The following MAGI3 variants were observed in gnomAD, a reference collection of about 807,000 sequenced individuals.
The protein encoded by MAGI3 is membrane associated guanylate kinase, WW and PDZ domain containing 3.
Under a neutral mutation model 121.8 loss-of-function variants are expected in MAGI3, and 43 were observed. The observed-to-expected ratio is 0.35, with a 90% CI of 0.28 to 0.46. The LOEUF (loss-of-function observed/expected upper bound fraction) is 0.46, where lower values mean the gene tolerates loss of function less well. Among genes scored for constraint, MAGI3 ranks in the 20% least tolerant of loss-of-function variants. MAGI3 has a pLI of 1.00. For synonymous variants in MAGI3, 553 were observed against 639.3 expected (o/e 0.86, Z 2.04); for missense variants, 1,547 against 1,797.3 (o/e 0.86, Z 2.52).
intron 1 of MAGI3, among the ~76,000 whole-genome samples, chr1:113,461,110 A>G (rs1243824200): frequency 6.6e-6 from 1 of 152,268 alleles, no homozygotes; most frequent in Non-Finnish European, 1.5e-5. Context: ...AAAGCATTCC[A>G]TGCTCATGGA....
At chr1:113,462,450 A>G (rs1406371440) in intron 1 of MAGI3, among the ~76,000 whole-genome samples, 2 of 152,192 alleles carry the variant, frequency 1.3e-5, no homozygotes, top group African/African-American at 4.8e-5. Context: ...TAACAAACTA[A>G]TGCAGGAACA....
chr1:113,527,216 A>G (rs1428610944), intron 1 of MAGI3, among the ~76,000 whole-genome samples: 2 of 151,982 alleles, frequency 1.3e-5, no homozygotes, highest in Admixed American at 1.3e-4. Context: ...AGTTGAGGTG[A>G]ATTGTGGCAG....
intron 1 of MAGI3, among the ~76,000 whole-genome samples, chr1:113,546,768 T>G (rs1659553034): frequency 6.6e-6 from 1 of 151,898 alleles, no homozygotes; most frequent in Admixed American, 6.6e-5. Context: ...CTCTGAGTCT[T>G]AAGATCTTGT....
intron 19 of MAGI3, among the ~76,000 whole-genome samples, chr1:113,680,582 C>T (rs1046285010): frequency 5.3e-5 from 8 of 151,986 alleles, no homozygotes. Flanking sequence ...ACGGTGAAAC[C>T]CCATCTCTAC....
rs1381888057 is a variant in MAGI3, at chr1:113,391,677, GTGT to G, written c.316+332_316+334del. On this transcript the variant is annotated intron_variant, in intron 1 of 20. Coordinates refer to ENST00000307546, the MANE Select transcript of MAGI3 (RefSeq NM_001142782.2). The surrounding 1 kb of genome is among the most constrained non-coding windows in gnomAD (Gnocchi z 4.4). ...GACTAGAGAAGGCCAGCCTTTTCCT[GTGT>G]TGTGCAAAAAGGCCCTTAGGATTGT... Among the ~76,000 whole-genome samples, 2 of 152,144 alleles carry G rather than the reference GTGT, an allele frequency of 1.3e-5. No individual in the cohort carries two copies. Among genetic ancestry groups the G allele is most frequent in the Non-Finnish European group, 2.9e-5 (2 of 68,030 alleles).
At position 113,574,985 on chromosome 1, in the gene MAGI3, TG is replaced by T. The variant is rs1647531587; in HGVS notation, c.434-5556del. On this transcript the variant is annotated intron_variant, in intron 2 of 20. Transcript: ENST00000307546. ...TCTTCCACTTGATTGATTTGCTTATTGATACTTGTATATACTTCATGAAGTT... is the reference window on the plus strand; with the variant it reads ...TCTTCCACTTGATTGATTTGCTTATTATACTTGTATATACTTCATGAAGTT... Among the ~76,000 whole-genome samples the T allele has an allele frequency of 2.0e-5, 3 of 152,322 alleles. No individual in the cohort carries two copies. The South Asian group carries it at 6.2e-4, about 32-fold the overall frequency.
intron 1 of MAGI3, among the ~76,000 whole-genome samples, chr1:113,442,919 A>G (rs1247475518): frequency 6.6e-6 from 1 of 152,134 alleles, no homozygotes; most frequent in Admixed American, 6.6e-5. Context: ...CTCAAAATTT[A>G]TAATTTGCCC....
chr1:113,682,567 G>A lies in MAGI3; in HGVS notation c.3329-330G>A, dbSNP rs867826693. On this transcript the variant is annotated intron_variant, in intron 20 of 20. Coordinates refer to ENST00000307546, the MANE Select transcript of MAGI3 (RefSeq NM_001142782.2). ...ATAATTAGTGAGCTTCTTGGGCCAC[G>A]TAATTTGGTTCAGCTTTATAACTTG... 30 of 1,211,846 alleles carry A rather than the reference G, an allele frequency of 2.5e-5. No individual in the cohort carries two copies. The African/African-American group carries it at 4.3e-4, about 17-fold the overall frequency. The allele number at this position is 1,211,846 out of a possible 1,614,324, so 75.1% of individuals were successfully genotyped here. A position where few individuals can be genotyped will look rare whatever the true frequency, so the allele number is the denominator to read the frequency against.
At chr1:113,629,773 TCC>T (rs1651501606) in intron 9 of MAGI3, among the ~76,000 whole-genome samples, 3 of 56,702 alleles carry the variant, frequency 5.3e-5, no homozygotes, top group African/African-American at 1.7e-4. Flanking sequence ...CCTCCCTCCC[TCC>T]CTCCCTCCCT....
intron 1 of MAGI3, among the ~76,000 whole-genome samples, chr1:113,533,230 A>G (rs1658809201): frequency 6.6e-6 from 1 of 152,238 alleles, no homozygotes; most frequent in African/African-American, 2.4e-5. Context: ...TGTGGTACAT[A>G]TACACCATGG....
chr1:113,650,002 G>A (rs1377953520), intron 13 of MAGI3, among the ~76,000 whole-genome samples: 1 of 151,898 alleles, frequency 6.6e-6, no homozygotes, highest in Non-Finnish European at 1.5e-5. Flanking sequence ...GAAGTAATGT[G>A]TTCTGTAGCA....
At chr1:113,561,050 G>A (rs1660214659) in intron 2 of MAGI3, among the ~76,000 whole-genome samples, 1 of 152,076 alleles carries the variant, frequency 6.6e-6, no homozygotes, top group East Asian at 1.9e-4. Context: ...TATACACCCT[G>A]TCAAGGCTGA....
intron 1 of MAGI3, among the ~76,000 whole-genome samples, chr1:113,477,836 C>G (rs1218621600): frequency 6.6e-6 from 1 of 152,182 alleles, no homozygotes; most frequent in African/African-American, 2.4e-5. Flanking sequence ...CAACTTAGTT[C>G]CATTCTCCCC....
chr1:113,623,483 C>CACACACACACACACACACACAT, intron 9 of MAGI3, among the ~76,000 whole-genome samples: 1 of 12,232 alleles, frequency 8.2e-5, no homozygotes, highest in South Asian at 7.0e-3. Context: ...CACACACACA[C>CACACACACACACACACACACAT]ACACATATAT....
intron 1 of MAGI3, among the ~76,000 whole-genome samples, chr1:113,509,186 A>T (rs1570774557): frequency 6.6e-6 from 1 of 152,238 alleles, no homozygotes; most frequent in East Asian, 1.9e-4. Flanking sequence ...AATAACAACA[A>T]AATCGTTTAC....
intron 19 of MAGI3, 79 bp downstream of exon 19, chr1:113,673,544 G>A: frequency 7.0e-7 from 1 of 1,437,924 alleles, no homozygotes; most frequent in Non-Finnish European, 9.5e-7. Context: ...TTGATTTAAA[G>A]GGAATGCAGG....
chr1:113,632,541 G>A (rs188656031), intron 9 of MAGI3, among the ~76,000 whole-genome samples: 143 of 152,246 alleles, frequency 9.4e-4, no homozygotes, highest in African/African-American at 3.3e-3. Flanking sequence ...TTTAAGTCAA[G>A]ACTGTATTAA....
rs146247371 is a variant in MAGI3, at chr1:113,458,153, A to G, written c.316+66804A>G. Reference sequence around the variant, plus strand: ...TTTATGATCTGTGTGGAAGACAGACAAGAAGAAAACAAAAGTGGAAGTAGA... The same window carrying G: ...TTTATGATCTGTGTGGAAGACAGACGAGAAGAAAACAAAAGTGGAAGTAGA... On this transcript the variant is annotated intron_variant, in intron 1 of 20. Transcript: ENST00000307546. Among the ~76,000 whole-genome samples, 22 of 152,348 alleles carry G rather than the reference A, an allele frequency of 1.4e-4. No individual in the cohort carries two copies. The East Asian group carries it at 4.2e-3, about 29-fold the overall frequency.
chr1:113,455,834 T>C (rs1430144694), intron 1 of MAGI3, among the ~76,000 whole-genome samples: 1 of 152,192 alleles, frequency 6.6e-6, no homozygotes, highest in East Asian at 1.9e-4. Context: ...ATTTCTTTGA[T>C]GGTAGAATTG....
Sources: gnomAD v4.1 joint callset for allele counts (sites outside exome capture counted in the v4.1 genomes callset) on GRCh38, gnomAD v4.1.1 for gene constraint, Gnocchi (gnomAD v3.1) non-coding constraint, MANE v1.5 for transcripts, NCBI Gene and HGNC (gene_info 2026-07-23, HGNC 2026-07-21) for gene names.